The following LIMCH1 variants were observed in gnomAD, a reference collection of about 807,000 sequenced individuals.
LIMCH1 encodes the protein LIM and calponin homology domains 1, also known as LIM and calponin homology domains-containing protein 1.
Under a neutral mutation model 176.5 loss-of-function variants are expected in LIMCH1, and 113 were observed. The observed-to-expected ratio is 0.64, with a 90% CI of 0.55 to 0.75. The LOEUF is 0.75. LIMCH1 is among the 30% of genes least tolerant of loss of function. The pLI is 0.00. For missense variants in LIMCH1, 1,674 were observed against 1,814.9 expected (o/e 0.92, Z 1.41); for synonymous variants, 619 against 645.9 (o/e 0.96, Z 0.63).
At chr4:41,478,277 G>T (rs2068049323) in intron 1 of LIMCH1, among the ~76,000 whole-genome samples, 1 of 151,530 alleles carries the variant, frequency 6.6e-6, no homozygotes, top group Admixed American at 6.6e-5. Flanking sequence ...CACATTTGTT[G>T]CTATCCCTCA....
intron 3 of LIMCH1, among the ~76,000 whole-genome samples, chr4:41,532,334 G>A (rs1278119515): frequency 6.6e-6 from 1 of 152,158 alleles, no homozygotes; most frequent in Non-Finnish European, 1.5e-5. Context: ...AAAATGTACA[G>A]GTCATCTCGT....
intron 1 of LIMCH1, among the ~76,000 whole-genome samples, chr4:41,440,270 C>A (rs186792721): frequency 4.3e-4 from 65 of 152,218 alleles, no homozygotes; most frequent in African/African-American, 1.5e-3. Context: ...GGGCTTTAAT[C>A]AGGAAACTAG....
intron 13 of LIMCH1, 81 bp from the exon 14 acceptor site, chr4:41,638,851 C>A: frequency 8.7e-7 from 1 of 1,147,136 alleles, no homozygotes; most frequent in Non-Finnish European, 1.3e-6. Context: ...ATGTATTTCA[C>A]CGGCAGTTTC....
At position 41,367,682 on chromosome 4, in the gene LIMCH1, TCCAAA is replaced by T. The variant is rs1239887651; in HGVS notation, c.96+6747_96+6751del. Among the ~76,000 whole-genome samples the T allele has an allele frequency of 1.3e-4, 8 of 60,908 alleles. 1 individual carries two copies. Among genetic ancestry groups the T allele is most frequent in the Admixed American group, 5.8e-4 (3 of 5,212 alleles). The allele number at this position is 60,908 out of a possible 152,430, so 40.0% of individuals were successfully genotyped here. On this transcript the variant is annotated intron_variant, in intron 1 of 26. Transcript: ENST00000313860. ...AGTGAAACCCTGTCTCTACTAAAAA[TCCAAA>T]AAAAAAAAAAAAAAAAAAAGGAAAG...
chr4:41,636,340 C>CTTTTTT (rs35828085), intron 13 of LIMCH1, among the ~76,000 whole-genome samples: 3 of 104,942 alleles, frequency 2.9e-5, no homozygotes, highest in Non-Finnish European at 3.8e-5. Context: ...TGCTTTATTA[C>CTTTTTT]TTTTTTTTTT....
rs2094077201 is a variant in LIMCH1 at position 41,646,744 on chromosome 4, A to G, written c.2671A>G (p.Thr891Ala). Residue 891 changes from threonine to alanine, a missense_variant, in exon 17 of 32, where the codon ACC (threonine) becomes GCC (alanine). This residue lies in a region of LIMCH1 where 1,015 missense variants were observed against 1,102.5 expected (regional missense o/e 0.92). Transcript: ENST00000503057. The part of the protein sequence containing the change: ...PPKFTATVET[T>A]IARASVLDTS... ...CAAATTCACTGCCACTGTTGAAACC[A>G]CCATTGCTCGTGCCAGTGTTCTGGA... is the stretch of plus-strand genomic sequence containing the variant. 2.5e-6 allele frequency: 4 copies of G among 1,614,062 alleles called. No homozygotes were observed. The highest frequency in any genetic ancestry group is 2.2e-5 in the East Asian group (1 of 44,894).
chr4:41,610,206 C>A (rs2091263927), intron 4 of LIMCH1, among the ~76,000 whole-genome samples: 1 of 152,216 alleles, frequency 6.6e-6, no homozygotes, highest in African/African-American at 2.4e-5. Flanking sequence ...TTTCTCCTTT[C>A]TTCTCCTGTG....
intron 1 of LIMCH1, among the ~76,000 whole-genome samples, chr4:41,586,462 C>A (rs1017935871): frequency 6.6e-6 from 1 of 152,026 alleles, no homozygotes; most frequent in Non-Finnish European, 1.5e-5. Flanking sequence ...AGTACCAAAC[C>A]CATAGCAATC....
At chr4:41,374,064 C>CT (rs1217230260) in intron 1 of LIMCH1, among the ~76,000 whole-genome samples, 1 of 152,082 alleles carries the variant, frequency 6.6e-6, no homozygotes, top group African/African-American at 2.4e-5. Context: ...CCAATTAAAC[C>CT]TTTTTTCTTT....
Position 41,529,399 on chromosome 4 carries a change from CT to C in LIMCH1, c.237+4922del, listed in dbSNP as rs530311618. Among the ~76,000 whole-genome samples, 24 of 152,318 alleles carry C rather than the reference CT, an allele frequency of 1.6e-4. No individual in the cohort carries two copies. The South Asian group carries it at 5.0e-3, about 32-fold the overall frequency. ...TAGGTGATATTTGCGGATTCTGCCCCTGAGTGCTGAACCTTCTTAGAGTTGT... is the reference window on the plus strand; with the variant it reads ...TAGGTGATATTTGCGGATTCTGCCCCGAGTGCTGAACCTTCTTAGAGTTGT... On this transcript the variant is annotated intron_variant, in intron 3 of 26. Coordinates refer to the LIMCH1 transcript ENST00000313860.
At chr4:41,380,189 A>G (rs1454503286) in intron 1 of LIMCH1, among the ~76,000 whole-genome samples, 1 of 152,176 alleles carries the variant, frequency 6.6e-6, no homozygotes, top group Non-Finnish European at 1.5e-5. Context: ...ATCCCACCTG[A>G]TATAGGTAAT....
chr4:41,439,012 G>A (rs999517977), intron 1 of LIMCH1, among the ~76,000 whole-genome samples: 1 of 152,306 alleles, frequency 6.6e-6, no homozygotes, highest in Middle Eastern at 3.4e-3. Context: ...ATCTGTCAGG[G>A]AAAAGCCAGA....
At chr4:41,536,219 A>G (rs1048222182), upstream of LIMCH1, among the ~76,000 whole-genome samples, 6 of 152,246 alleles carry the variant, frequency 3.9e-5, no homozygotes, top group African/African-American at 1.2e-4. Flanking sequence ...CAGGAAAAAA[A>G]TACCACCAAA....
chr4:41,423,860 G>A (rs1235091089), intron 1 of LIMCH1, among the ~76,000 whole-genome samples: 1 of 151,602 alleles, frequency 6.6e-6, no homozygotes, highest in African/African-American at 2.4e-5. Flanking sequence ...TGGCTTGGTG[G>A]AGAGAAGGGA....
rs542742963 is a variant in LIMCH1, at chr4:41,400,395, G to A, written c.96+39459G>A. On this transcript the variant is annotated intron_variant, in intron 1 of 26. Coordinates refer to the LIMCH1 transcript ENST00000313860. ...TCTGTCAATTTTTTTCCAGTTTTTT[G>A]TTCATTATGAATGTCGGGGAAGGTA... is the stretch of plus-strand genomic sequence containing the variant. 8.0e-4 allele frequency among the ~76,000 whole-genome samples: 122 copies of A among 152,016 alleles called. 2 individuals are homozygous for A. The highest frequency in any genetic ancestry group is 2.7e-3 in the African/African-American group (113 of 41,494).
chr4:41,500,600 G>A (rs1221210082), intron 2 of LIMCH1, among the ~76,000 whole-genome samples: 1 of 152,182 alleles, frequency 6.6e-6, no homozygotes, highest in Non-Finnish European at 1.5e-5. Context: ...ATTTCTGTTT[G>A]CTTTTATATT....
intron 1 of LIMCH1, among the ~76,000 whole-genome samples, chr4:41,435,765 C>G (rs2062018637): frequency 6.6e-6 from 1 of 152,174 alleles, no homozygotes; most frequent in Non-Finnish European, 1.5e-5. Flanking sequence ...TGCAGAGACA[C>G]TGTCTGGGAA....
intron 2 of LIMCH1, among the ~76,000 whole-genome samples, chr4:41,600,756 C>T (rs1049152427): frequency 6.6e-6 from 1 of 151,856 alleles, no homozygotes; most frequent in Non-Finnish European, 1.5e-5. Context: ...CTGGGTCAAG[C>T]TTGCTCAGTG....
chr4:41,378,117 G>A (rs534680283), intron 1 of LIMCH1, among the ~76,000 whole-genome samples: 1 of 152,328 alleles, frequency 6.6e-6, no homozygotes, highest in South Asian at 2.1e-4. Flanking sequence ...GGGAACATGA[G>A]CAGAGGCATG....
Sources: allele counts gnomAD v4.1 joint callset (sites outside exome capture counted in the v4.1 genomes callset), GRCh38; gene constraint gnomAD v4.1.1; regional missense constraint gnomAD v4.1.1; transcripts MANE v1.5; gene names NCBI Gene and HGNC (gene_info 2026-07-23, HGNC 2026-07-21).